The following RBFOX1 variants were observed in gnomAD, a reference collection of about 807,000 sequenced individuals.
The protein encoded by RBFOX1 is RNA binding protein fox-1 homolog 1.
RBFOX1 carries 8 observed loss-of-function variants against 57.7 expected under a neutral mutation model. The observed-to-expected ratio is 0.14, with a 90% CI of 0.08 to 0.25. The LOEUF (loss-of-function observed/expected upper bound fraction) is 0.25, where lower values mean the gene tolerates loss of function less well. RBFOX1 is among the 10% of genes least tolerant of loss of function. RBFOX1 has a pLI of 1.00. For synonymous variants in RBFOX1, 326 were observed against 222.4 expected (o/e 1.47, Z -4.15); for missense variants, 611 against 548.5 (o/e 1.11, Z -1.14).
chr16:5,375,085 CAAAAAAAAAAAAA>C (rs576765968), intron 1 of RBFOX1, among the ~76,000 whole-genome samples: 48 of 37,108 alleles, frequency 1.3e-3, no homozygotes, highest in Non-Finnish European at 1.6e-3. Flanking sequence ...TTTAAATGGC[CAAAAAAAAAAAAA>C]AAAAAAAAAA....
chr16:7,164,189 C>G (rs1030993001), intron 4 of RBFOX1, among the ~76,000 whole-genome samples: 1 of 152,136 alleles, frequency 6.6e-6, no homozygotes. Context: ...TAGCTTAGCC[C>G]CCACATATGA....
At chr16:6,795,220 C>T (rs532086764) in intron 3 of RBFOX1, among the ~76,000 whole-genome samples, 5 of 152,272 alleles carry the variant, frequency 3.3e-5, no homozygotes, top group African/African-American at 1.2e-4. Flanking sequence ...AGGTTACCCA[C>T]TTGTGTCCAC....
chr16:5,738,284 G>A (rs547153362), intron 3 of RBFOX1, among the ~76,000 whole-genome samples: 18 of 137,698 alleles, frequency 1.3e-4, no homozygotes, highest in African/African-American at 4.1e-4. Flanking sequence ...AGTATTTAAC[G>A]TCTCTATGTG....
intron 4 of RBFOX1, among the ~76,000 whole-genome samples, chr16:7,298,695 A>G (rs1442513811): frequency 1.3e-5 from 2 of 152,248 alleles, no homozygotes; most frequent in South Asian, 2.1e-4. Context: ...TACATGCATT[A>G]TATATGTATT....
At chr16:6,881,235 A>G (rs955197184) in intron 3 of RBFOX1, among the ~76,000 whole-genome samples, 8 of 152,202 alleles carry the variant, frequency 5.3e-5, no homozygotes, top group Admixed American at 1.3e-4. Flanking sequence ...CATGAATTAG[A>G]TATAAGGTTC....
chr16:5,674,011 C>T (rs1192478704), intron 3 of RBFOX1, among the ~76,000 whole-genome samples: 1 of 152,188 alleles, frequency 6.6e-6, no homozygotes, highest in Non-Finnish European at 1.5e-5. Context: ...GTGACAGGGA[C>T]TATGCCAGTT....
At chr16:6,051,823 C>T (rs1478282602) in intron 1 of RBFOX1, among the ~76,000 whole-genome samples, 1 of 152,194 alleles carries the variant, frequency 6.6e-6, no homozygotes, top group East Asian at 1.9e-4. Flanking sequence ...CCTGGCCTCC[C>T]AAACTGCTGG....
chr16:7,560,714 C>A (rs190144521), intron 5 of RBFOX1, among the ~76,000 whole-genome samples: 1 of 152,174 alleles, frequency 6.6e-6, no homozygotes, highest in Non-Finnish European at 1.5e-5. Flanking sequence ...GTCTACCACC[C>A]AAGTCTCACC....
chr16:5,781,127 C>G (rs1017715373), intron 3 of RBFOX1, among the ~76,000 whole-genome samples: 2 of 152,318 alleles, frequency 1.3e-5, no homozygotes, highest in East Asian at 1.9e-4. Flanking sequence ...GTGAGATAAC[C>G]TGCCGAACAG....
intron 4 of RBFOX1, among the ~76,000 whole-genome samples, chr16:7,150,199 A>T (rs751743792): frequency 6.6e-6 from 1 of 152,148 alleles, no homozygotes; most frequent in Admixed American, 6.6e-5. Context: ...AGGACAAAAA[A>T]TATGTTTTAT....
At chr16:6,931,343 A>T (rs200904117) in intron 3 of RBFOX1, among the ~76,000 whole-genome samples, 2,335 of 114,278 alleles carry the variant, frequency 0.02, 34 homozygotes, top group South Asian at 0.028. Flanking sequence ...CTATCTCTAC[A>T]CACACACACA....
intron 4 of RBFOX1, among the ~76,000 whole-genome samples, chr16:7,215,472 G>T (rs12599220): frequency 6.6e-6 from 1 of 151,922 alleles, no homozygotes; most frequent in African/African-American, 2.4e-5. Flanking sequence ...TATACACCAT[G>T]GAATTTTGTT....
At chr16:6,822,383 G>C (rs1384440702) in intron 3 of RBFOX1, among the ~76,000 whole-genome samples, 4 of 152,188 alleles carry the variant, frequency 2.6e-5, no homozygotes, top group African/African-American at 9.7e-5. Context: ...GAATTTGGCT[G>C]TCAGGGGAGA....
intron 2 of RBFOX1, among the ~76,000 whole-genome samples, chr16:6,563,380 T>C (rs962210252): frequency 1.3e-5 from 2 of 152,212 alleles, no homozygotes; most frequent in African/African-American, 2.4e-5. Flanking sequence ...GTCCATCTTA[T>C]TATTACCCTC....
intron 2 of RBFOX1, among the ~76,000 whole-genome samples, chr16:5,563,381 C>T (rs766457565): frequency 1.3e-5 from 2 of 152,240 alleles, no homozygotes; most frequent in African/African-American, 2.4e-5. Context: ...CACATATCCT[C>T]ATCTTTGCTG....
intron 2 of RBFOX1, among the ~76,000 whole-genome samples, chr16:6,623,908 T>G (rs1447842885): frequency 6.6e-6 from 1 of 152,196 alleles, no homozygotes; most frequent in Non-Finnish European, 1.5e-5. Context: ...TAAACATGTG[T>G]GCATGTGTCT....
intron 4 of RBFOX1, among the ~76,000 whole-genome samples, chr16:7,494,830 C>CTTTTTTTT (rs61434992): frequency 4.8e-5 from 6 of 125,436 alleles, no homozygotes; most frequent in Admixed American, 8.4e-5. Flanking sequence ...GTGTTACCTA[C>CTTTTTTTT]TTTTTTTTTT....
intron 14 of RBFOX1, among the ~76,000 whole-genome samples, chr16:7,686,152 C>T (rs7200004): frequency 0.97 from 147,766 of 151,990 alleles, 71,984 homozygotes; most frequent in East Asian, 1. Flanking sequence ...AGCAGCATCA[C>T]TGAACTGTGG....
At chr16:7,474,605 G>T (rs919177555) in intron 4 of RBFOX1, among the ~76,000 whole-genome samples, 1 of 152,144 alleles carries the variant, frequency 6.6e-6, no homozygotes, top group Non-Finnish European at 1.5e-5. Context: ...AATTACTTTT[G>T]CACCAAGCTA....
Sources: gnomAD v4.1 joint callset for allele counts (sites outside exome capture counted in the v4.1 genomes callset) on GRCh38, gnomAD v4.1.1 for gene constraint, MANE v1.5 for transcripts, NCBI Gene and HGNC (gene_info 2026-07-23, HGNC 2026-07-21) for gene names.